The following MAP3K20 variants were observed in gnomAD, a reference collection of about 807,000 sequenced individuals.
MAP3K20 encodes the protein HCCS-4.
Under a neutral mutation model 85.7 loss-of-function variants are expected in MAP3K20, and 40 were observed. The observed-to-expected ratio is 0.47, with a 90% CI of 0.36 to 0.61. MAP3K20 has a LOEUF of 0.61. Ranked by LOEUF, MAP3K20 falls within the 20% of genes least tolerant of loss-of-function variation. The probability of loss-of-function intolerance (pLI) is 0.00; values close to 1 mark genes in which losing one functional copy is unlikely to be tolerated. For synonymous variants in MAP3K20, 325 were observed against 327.7 expected (o/e 0.99, Z 0.09); for missense variants, 817 against 961.7 (o/e 0.85, Z 1.99).
At chr2:173,221,574 C>G in intron 11 of MAP3K20, 2 of 1,455,130 alleles carry the variant, frequency 1.4e-6, no homozygotes, top group Non-Finnish European at 1.8e-6. Flanking sequence ...TTGGAAAACA[C>G]AAAAGTAACT....
chr2:173,204,307 C>G (rs997023159), intron 9 of MAP3K20, among the ~76,000 whole-genome samples: 5 of 152,134 alleles, frequency 3.3e-5, no homozygotes, highest in African/African-American at 1.2e-4. Context: ...CCAAGACATA[C>G]AGAGGTTACA....
Position 173,266,598 on chromosome 2 carries a change from G to A in MAP3K20, c.2251G>A (p.Glu751Lys), listed in dbSNP as rs770361569. 3.1e-6 allele frequency: 5 copies of A among 1,613,808 alleles called. No homozygotes were observed. Among genetic ancestry groups the A allele is most frequent in the Admixed American group, 3.3e-5 (2 of 59,976 alleles). ...CATACCAGGGATGCCTTTGCACCCT[G>A]AGACTGACTCAAGAGCCAGTGAAGA... is the stretch of plus-strand genomic sequence containing the variant. ...NTIPGMPLHP[E>K]TDSRASEEDS... Residue 751 changes from glutamate to lysine, a missense_variant, in exon 20 of 20, where the codon GAG becomes AAG. Glu to Lys is a moderately conservative substitution (Grantham distance 56). Coordinates refer to ENST00000375213, the MANE Select transcript of MAP3K20 (RefSeq NM_016653.3).
At chr2:173,187,364 T>C (rs1559269045) in intron 4 of MAP3K20, among the ~76,000 whole-genome samples, 194 bp from the exon 5 acceptor site, 1 of 152,182 alleles carries the variant, frequency 6.6e-6, no homozygotes, top group Non-Finnish European at 1.5e-5. Flanking sequence ...CTCTAAGAGA[T>C]TAAAGCTTAT....
chr2:173,261,756 CCT>C (rs1685299846), intron 18 of MAP3K20, among the ~76,000 whole-genome samples: 1 of 152,194 alleles, frequency 6.6e-6, no homozygotes, highest in Non-Finnish European at 1.5e-5. Context: ...GTGGCTCACA[CCT>C]GTAATCTCAG....
intron 10 of MAP3K20, among the ~76,000 whole-genome samples, chr2:173,215,159 T>A (rs1236615987): frequency 1.2e-4 from 19 of 152,238 alleles, no homozygotes; most frequent in Admixed American, 1.2e-3. Flanking sequence ...CCATTTACCC[T>A]GGTCTAAAAG....
chr2:173,200,856 TC>T (rs1300759898), intron 8 of MAP3K20, among the ~76,000 whole-genome samples: 2 of 152,152 alleles, frequency 1.3e-5, no homozygotes, highest in Non-Finnish European at 2.9e-5. Flanking sequence ...GGTCTTGAAC[TC>T]CTGACCTCAA....
At chr2:173,160,529 C>T (rs944906579) in intron 2 of MAP3K20, 3 of 152,124 alleles carry the variant, frequency 2.0e-5, no homozygotes, top group Non-Finnish European at 2.9e-5. Context: ...ATCCTGGGAT[C>T]ATGAACCTTT....
chr2:173,192,499 T>A (rs1690687248), intron 7 of MAP3K20, among the ~76,000 whole-genome samples: 1 of 152,222 alleles, frequency 6.6e-6, no homozygotes, highest in South Asian at 2.1e-4. Context: ...TCAGGCTTAA[T>A]ACCTGATATC....
chr2:173,140,509 C>T (rs544552312), intron 2 of MAP3K20, among the ~76,000 whole-genome samples: 6 of 152,196 alleles, frequency 3.9e-5, no homozygotes, highest in African/African-American at 1.2e-4. Context: ...CACCACCACA[C>T]CCGGCTAATT....
chr2:173,237,803 C>G (rs1684689874), intron 14 of MAP3K20, among the ~76,000 whole-genome samples: 1 of 152,134 alleles, frequency 6.6e-6, no homozygotes, highest in African/African-American at 2.4e-5. Context: ...ACAGAACATC[C>G]ACTTCTCAGT....
chr2:173,124,476 G>A (rs1688385510), intron 2 of MAP3K20, among the ~76,000 whole-genome samples: 1 of 152,158 alleles, frequency 6.6e-6, no homozygotes, highest in Non-Finnish European at 1.5e-5. Flanking sequence ...GGGCGGTGGG[G>A]GTTGGTTGGG....
chr2:173,127,825 C>T (rs1395147292), intron 2 of MAP3K20, among the ~76,000 whole-genome samples: 1 of 152,064 alleles, frequency 6.6e-6, no homozygotes, highest in Non-Finnish European at 1.5e-5. Flanking sequence ...TTATTGAACT[C>T]TTCCCATTTG....
At chr2:173,148,841 C>T (rs955959574) in intron 2 of MAP3K20, among the ~76,000 whole-genome samples, 1 of 152,100 alleles carries the variant, frequency 6.6e-6, no homozygotes, top group African/African-American at 2.4e-5. Flanking sequence ...GATTGATGTT[C>T]GATGATGAAG....
chr2:173,250,168 T>G (rs1232364641), intron 16 of MAP3K20, among the ~76,000 whole-genome samples: 1 of 152,228 alleles, frequency 6.6e-6, no homozygotes, highest in Non-Finnish European at 1.5e-5. Flanking sequence ...AACCAACTAC[T>G]CTAAGCTTGT....
At chr2:173,256,550 T>C (rs75401871) in intron 16 of MAP3K20, among the ~76,000 whole-genome samples, 6,427 of 147,402 alleles carry the variant, frequency 0.044, 187 homozygotes, top group Admixed American at 0.098. Context: ...GACAGACAGA[T>C]AGAGAGAATG....
In MAP3K20 at chr2:173,209,635, TGA is replaced by T. The variant is rs1390572149; in HGVS notation, c.745-92_745-91del. 7 of 979,048 alleles carry T rather than the reference TGA, an allele frequency of 7.1e-6. No individual in the cohort carries two copies. In the East Asian group the frequency reaches 1.5e-4, roughly 21 times the overall value. 60.6% of individuals were successfully genotyped at this position (979,048 alleles called of 1,614,324 possible). On this transcript the variant is annotated intron_variant, in intron 9 of 19. Coordinates refer to ENST00000375213, the MANE Select transcript of MAP3K20 (RefSeq NM_016653.3). ...CATGTTTTATTTTGTTATGGTGGGTTGAGTTTATTACTATGCTTGTAGTATCT... is the reference window on the plus strand; with the variant it reads ...CATGTTTTATTTTGTTATGGTGGGTTGTTTATTACTATGCTTGTAGTATCT...
intron 10 of MAP3K20, among the ~76,000 whole-genome samples, chr2:173,215,401 G>A (rs999316500): frequency 2.0e-5 from 3 of 151,992 alleles, no homozygotes; most frequent in African/African-American, 7.2e-5. Flanking sequence ...GTCCTCCATT[G>A]AAAAATAAAA....
At chr2:173,191,361 C>T (rs760921385) in intron 7 of MAP3K20, among the ~76,000 whole-genome samples, 184 bp downstream of exon 7, 1 of 152,172 alleles carries the variant, frequency 6.6e-6, no homozygotes, top group Admixed American at 6.5e-5. Flanking sequence ...TTTTAATCAT[C>T]GGAGTTATTT....
At chr2:173,208,933 G>A (rs551391820) in intron 9 of MAP3K20, among the ~76,000 whole-genome samples, 1 of 152,144 alleles carries the variant, frequency 6.6e-6, no homozygotes, top group Non-Finnish European at 1.5e-5. Flanking sequence ...GACTAGAATA[G>A]TTACTGCCAG....
Sources: allele counts gnomAD v4.1 joint callset (sites outside exome capture counted in the v4.1 genomes callset), GRCh38; gene constraint gnomAD v4.1.1; transcripts MANE v1.5; gene names NCBI Gene and HGNC (gene_info 2026-07-23, HGNC 2026-07-21).